Variants in CNTN5 observed in about 807,000 individuals in gnomAD.
The protein encoded by CNTN5 is contactin-5.
In CNTN5, 77 loss-of-function variants were observed where a neutral mutation model predicts 129.1. That is an observed-to-expected ratio of 0.60 (90% CI 0.50 to 0.72). The LOEUF (loss-of-function observed/expected upper bound fraction) is 0.72, where lower values mean the gene tolerates loss of function less well. Ranked by LOEUF, CNTN5 falls within the 30% of genes least tolerant of loss-of-function variation. The probability of loss-of-function intolerance (pLI) is 0.00; values close to 1 mark genes in which losing one functional copy is unlikely to be tolerated. For synonymous variants in CNTN5, 509 were observed against 465.6 expected (o/e 1.09, Z -1.20); for missense variants, 1,478 against 1,328.8 (o/e 1.11, Z -1.75).
In CNTN5 at chr11:99,432,449, T is replaced by TCTTTC. The variant is rs1565577493; in HGVS notation, c.-71+106969_-71+106970insCCTTT. 1.4e-4 allele frequency among the ~76,000 whole-genome samples: 16 copies of TCTTTC among 118,268 alleles called. 1 individual carries two copies. Among genetic ancestry groups the TCTTTC allele is most frequent in the Middle Eastern group, 4.8e-3 (1 of 208 alleles). 77.6% of individuals were successfully genotyped at this position (118,268 alleles called of 152,430 possible). ...CTTTTCCTTTTCTTTCCTTTTCTTTTCTTTTCTTTTCTTTCCTTTTCTTTT... is the reference window on the plus strand; with the variant it reads ...CTTTTCCTTTTCTTTCCTTTTCTTTTCTTTCCTTTTCTTTTCTTTCCTTTTCTTTT... On this transcript the variant is annotated intron_variant, in intron 2 of 24. Coordinates refer to ENST00000524871, the MANE Select transcript of CNTN5 (RefSeq NM_014361.4).
intron 3 of CNTN5, among the ~76,000 whole-genome samples, chr11:99,616,064 G>A (rs551346698): frequency 1.4e-4 from 22 of 152,142 alleles, no homozygotes; most frequent in African/African-American, 5.3e-4. Flanking sequence ...CACCTGTTCT[G>A]TATACACTTC....
intron 2 of CNTN5, among the ~76,000 whole-genome samples, chr11:99,506,291 G>A (rs1398245601): frequency 6.6e-6 from 1 of 151,858 alleles, no homozygotes; most frequent in Admixed American, 6.6e-5. Context: ...TATCTTTGTT[G>A]AAAAAGAAAA....
At position 100,356,249 on chromosome 11, in the gene CNTN5, G is replaced by C. The variant is rs764611814; in HGVS notation, c.*29G>C. 6.8e-7 allele frequency: 1 copy of C among 1,463,516 alleles called. No homozygotes were observed. The allele number at this position is 1,463,516 out of a possible 1,614,324, so 90.7% of individuals were successfully genotyped here. A position where few individuals can be genotyped will look rare whatever the true frequency, so the allele number is the denominator to read the frequency against. On this transcript the variant is annotated 3_prime_UTR_variant, in exon 25 of 25. Transcript: ENST00000524871. ...CTGCTGACTTAATTTGCTTTTGTTT[G>C]CTTTAGCTTGGTAACAGCGGTGAAT...
chr11:99,510,865 C>A (rs1434412152), intron 2 of CNTN5, among the ~76,000 whole-genome samples: 1 of 151,964 alleles, frequency 6.6e-6, no homozygotes, highest in Non-Finnish European at 1.5e-5. Flanking sequence ...GTAAAACAGC[C>A]TTAGGCAAGT....
intron 1 of CNTN5, among the ~76,000 whole-genome samples, chr11:99,162,535 T>G (rs1210391496): frequency 6.6e-6 from 1 of 152,200 alleles, no homozygotes; most frequent in East Asian, 1.9e-4. Context: ...TCTTATTGAC[T>G]AAAATTACTG....
chr11:99,399,380 GTAAC>G (rs1166520576), intron 2 of CNTN5, among the ~76,000 whole-genome samples: 1 of 151,510 alleles, frequency 6.6e-6, no homozygotes, highest in African/African-American at 2.4e-5. Flanking sequence ...GATCAAGAAA[GTAAC>G]TAAATTATTG....
intron 3 of CNTN5, among the ~76,000 whole-genome samples, chr11:99,683,289 C>T (rs1259101130): frequency 6.6e-6 from 1 of 151,784 alleles, no homozygotes; most frequent in Non-Finnish European, 1.5e-5. Context: ...TGCACTTTTT[C>T]ATCTAGTCTC....
At chr11:99,908,595 A>G (rs1398309448) in intron 6 of CNTN5, among the ~76,000 whole-genome samples, 1 of 152,102 alleles carries the variant, frequency 6.6e-6, no homozygotes, top group Non-Finnish European at 1.5e-5. Flanking sequence ...TATCAAATGT[A>G]TAAAACCTCT....
chr11:100,229,650 G>C (rs975099723), intron 16 of CNTN5, among the ~76,000 whole-genome samples: 1 of 152,200 alleles, frequency 6.6e-6, no homozygotes, highest in African/African-American at 2.4e-5. Context: ...CCTTGAGCAT[G>C]TTTCTAATAT....
intron 3 of CNTN5, among the ~76,000 whole-genome samples, chr11:99,653,087 A>G (rs2135887649): frequency 6.6e-6 from 1 of 152,158 alleles, no homozygotes; most frequent in East Asian, 1.9e-4. Flanking sequence ...CACTGGTTTC[A>G]ATTTTATTGG....
intron 1 of CNTN5, among the ~76,000 whole-genome samples, chr11:99,304,330 C>T (rs904971808): frequency 6.6e-6 from 1 of 151,946 alleles, no homozygotes; most frequent in African/African-American, 2.4e-5. Flanking sequence ...TAGATCCTTC[C>T]ATCAAAAAAA....
chr11:99,738,353 T>G (rs1943777432), intron 3 of CNTN5, among the ~76,000 whole-genome samples: 1 of 152,160 alleles, frequency 6.6e-6, no homozygotes, highest in African/African-American at 2.4e-5. Flanking sequence ...GTCAACATCT[T>G]GATCTTAAAT....
At chr11:99,152,801 T>G (rs1164697018) in intron 1 of CNTN5, among the ~76,000 whole-genome samples, 1 of 152,362 alleles carries the variant, frequency 6.6e-6, no homozygotes, top group East Asian at 1.9e-4. Context: ...TTTTCCAAAT[T>G]TAGGACCTTT....
At chr11:100,018,871 T>G (rs1351584934) in intron 9 of CNTN5, among the ~76,000 whole-genome samples, 1 of 151,980 alleles carries the variant, frequency 6.6e-6, no homozygotes, top group Non-Finnish European at 1.5e-5. Flanking sequence ...AATATGCATG[T>G]AGTGGTGTCA....
chr11:99,424,392 G>A (rs1943028418), intron 2 of CNTN5, among the ~76,000 whole-genome samples: 1 of 152,230 alleles, frequency 6.6e-6, no homozygotes, highest in Non-Finnish European at 1.5e-5. Flanking sequence ...CACCCAGCAT[G>A]CTGCACTCAG....
At chr11:99,674,938 A>G (rs535153952) in intron 3 of CNTN5, among the ~76,000 whole-genome samples, 54 of 151,784 alleles carry the variant, frequency 3.6e-4, no homozygotes, top group African/African-American at 1.3e-3. Context: ...GTGGCTTGCC[A>G]TGGATGTGCA....
At chr11:100,110,278 A>G (rs1417739034) in intron 13 of CNTN5, among the ~76,000 whole-genome samples, 1 of 143,580 alleles carries the variant, frequency 7.0e-6, no homozygotes, top group Non-Finnish European at 1.5e-5. Flanking sequence ...TAATAATGCC[A>G]AATTTTTAGC....
chr11:99,411,560 T>C (rs748746083), intron 2 of CNTN5, among the ~76,000 whole-genome samples: 8 of 152,032 alleles, frequency 5.3e-5, no homozygotes, highest in Non-Finnish European at 1.0e-4. Flanking sequence ...TTTAAAAAAA[T>C]TAGAAAGAAG....
At chr11:100,074,758 C>T (rs923185816) in intron 13 of CNTN5, among the ~76,000 whole-genome samples, 8 of 151,930 alleles carry the variant, frequency 5.3e-5, no homozygotes, top group Admixed American at 4.6e-4. Context: ...CATATTTAGG[C>T]AAAATAGTAT....
Sources: allele counts gnomAD v4.1 joint callset (sites outside exome capture counted in the v4.1 genomes callset), GRCh38; gene constraint gnomAD v4.1.1; transcripts MANE v1.5; gene names NCBI Gene and HGNC (gene_info 2026-07-23, HGNC 2026-07-21).